AP1B1: variants seen among roughly 807,000 people sequenced by gnomAD.
AP1B1 encodes the protein adaptor related protein complex 1 subunit beta 1.
Under a neutral mutation model 104.3 loss-of-function variants are expected in AP1B1, and 36 were observed. The observed-to-expected ratio is 0.35, with a 90% CI of 0.26 to 0.46. The LOEUF (loss-of-function observed/expected upper bound fraction) is 0.46, where lower values mean the gene tolerates loss of function less well. AP1B1 is among the 20% of genes least tolerant of loss of function. The probability of loss-of-function intolerance (pLI) is 1.00; values close to 1 mark genes in which losing one functional copy is unlikely to be tolerated. For synonymous variants in AP1B1, 504 were observed against 517.5 expected (o/e 0.97, Z 0.35); for missense variants, 901 against 1,247.9 (o/e 0.72, Z 4.19).
At chr22:29,341,399 TC>T in intron 13 of AP1B1, 101 bp downstream of exon 13, 1 of 1,452,822 alleles carries the variant, frequency 6.9e-7, no homozygotes, top group Non-Finnish European at 9.3e-7. Flanking sequence ...TTCCTCAGAC[TC>T]AGGTCTTGCT....
At chr22:29,343,909 G>A (rs1034284502) in intron 11 of AP1B1, among the ~76,000 whole-genome samples, 10 of 152,016 alleles carry the variant, frequency 6.6e-5, no homozygotes, top group African/African-American at 2.2e-4. Flanking sequence ...TCAGGAGTTC[G>A]AGACCAGCCT....
chr22:29,386,057 G>A (rs1021216120), intron 1 of AP1B1, among the ~76,000 whole-genome samples: 1 of 152,214 alleles, frequency 6.6e-6, no homozygotes, highest in Non-Finnish European at 1.5e-5. Context: ...CAGAAGCCAA[G>A]GTTGGCAGCC....
At chr22:29,330,950 C>T (rs1170716696) in intron 19 of AP1B1, among the ~76,000 whole-genome samples, 1 of 152,166 alleles carries the variant, frequency 6.6e-6, no homozygotes, top group Non-Finnish European at 1.5e-5. Flanking sequence ...CCCCTCCCCA[C>T]CCCCACACGC....
At position 29,328,502 on chromosome 22, in the gene AP1B1, C is replaced by A. The variant is rs902911111; in HGVS notation, c.*319G>T. 2 of 280,832 alleles carry A rather than the reference C, an allele frequency of 7.1e-6. No homozygotes were observed. Among genetic ancestry groups the A allele is most frequent in the Non-Finnish European group, 1.4e-5 (2 of 146,552 alleles). The allele number at this position is 280,832 out of a possible 1,614,324, so 17.4% of individuals were successfully genotyped here. On this transcript the variant is annotated 3_prime_UTR_variant, in exon 23 of 23. Transcript: ENST00000357586. The surrounding 1 kb of genome is among the most constrained non-coding windows in gnomAD (Gnocchi z 4.1). ...CTGCCGGGGCTGTGAGCCGGAGGGG[C>A]AAGCTCCACACTCACCCTTCAGGCA...
At chr22:29,331,140 G>A (rs1292593623) in intron 19 of AP1B1, among the ~76,000 whole-genome samples, 1 of 152,164 alleles carries the variant, frequency 6.6e-6, no homozygotes, top group Non-Finnish European at 1.5e-5. Context: ...AGAGGAGGGG[G>A]TTACCAGGTG....
chr22:29,356,027 G>A (rs1429307075), intron 6 of AP1B1, among the ~76,000 whole-genome samples: 2 of 152,206 alleles, frequency 1.3e-5, no homozygotes, highest in African/African-American at 2.4e-5. Context: ...CTAAGCTGGA[G>A]CTCCCTCATC....
intron 11 of AP1B1, among the ~76,000 whole-genome samples, chr22:29,346,169 GGGA>G (rs2061789857): frequency 6.6e-6 from 1 of 152,326 alleles, no homozygotes; most frequent in Non-Finnish European, 1.5e-5. Flanking sequence ...CCACACAACA[GGGA>G]GGAGGAGCTT....
intron 1 of AP1B1, among the ~76,000 whole-genome samples, chr22:29,367,744 G>A (rs434287): frequency 5.3e-5 from 8 of 152,076 alleles, no homozygotes; most frequent in Non-Finnish European, 8.8e-5. Flanking sequence ...AACTCATTAG[G>A]AGCCTCATCA....
rs1289372107 is a variant in AP1B1 at position 29,328,995 on chromosome 22, G to A, written c.2776-100C>T. 1.6e-5 allele frequency: 25 copies of A among 1,526,716 alleles called. No individual in the cohort carries two copies. The highest frequency in any genetic ancestry group is 4.1e-5 in the African/African-American group (3 of 73,296). The allele number at this position is 1,526,716 out of a possible 1,614,324, so 94.6% of individuals were successfully genotyped here. A position where few individuals can be genotyped will look rare whatever the true frequency, so the allele number is the denominator to read the frequency against. ...AGAGAGCAGGAACCAATGGGACAGC[G>A]TGGAGTGCACACAGCCTGGCGGCAG... On this transcript the variant is annotated intron_variant, in intron 22 of 22. Coordinates refer to ENST00000357586, the MANE Select transcript of AP1B1 (RefSeq NM_001127.4). The surrounding 1 kb of genome is among the most constrained non-coding windows in gnomAD (Gnocchi z 4.1).
intron 7 of AP1B1, among the ~76,000 whole-genome samples, chr22:29,352,131 T>TCAGTCC (rs1254954425): frequency 6.6e-6 from 1 of 152,138 alleles, no homozygotes; most frequent in East Asian, 1.9e-4. Flanking sequence ...CAGACATATC[T>TCAGTCC]CAGTCCCAGT....
chr22:29,349,520 G>GTT (rs1036497535), intron 10 of AP1B1, 137 bp from the exon 11 acceptor site: 575 of 680,388 alleles, frequency 8.5e-4, no homozygotes, highest in Non-Finnish European at 9.6e-4. Context: ...TCTGAGTTTT[G>GTT]TTTTTTTTTT....
intron 16 of AP1B1, among the ~76,000 whole-genome samples, chr22:29,335,196 A>C (rs2061620700): frequency 6.6e-6 from 1 of 152,162 alleles, no homozygotes; most frequent in Non-Finnish European, 1.5e-5. Flanking sequence ...AGGATGAGTT[A>C]GAGCCCTGCC....
Position 29,334,318 on chromosome 22 carries a change from G to A in AP1B1, c.2256C>T (p.Thr752=), listed in dbSNP as rs373204262. ...VGSISMDLQL[T]NKALQVMTDF... is the part of the protein sequence containing the mutation. ...CGGTCATGACCTGCAAGGCCTTGTTGGTCAGCTGCAGGTCCATGGAGATGG... is the reference window on the plus strand; with the variant it reads ...CGGTCATGACCTGCAAGGCCTTGTTAGTCAGCTGCAGGTCCATGGAGATGG... The change falls in exon 17 of 23, where the codon ACC becomes ACT. Residue 752 remains threonine, a synonymous_variant. Coordinates refer to ENST00000357586, the MANE Select transcript of AP1B1 (RefSeq NM_001127.4). 3 of 1,611,074 alleles carry A rather than the reference G, an allele frequency of 1.9e-6. No homozygotes were observed. Among genetic ancestry groups the A allele is most frequent in the African/African-American group, 2.7e-5 (2 of 74,728 alleles).
At chr22:29,359,679 A>T in intron 4 of AP1B1, 145 bp downstream of exon 4, 1 of 997,150 alleles carries the variant, frequency 1.0e-6, no homozygotes, top group East Asian at 2.5e-5. Context: ...CCTCTGCTGG[A>T]GGAAGAGGCC....
At chr22:29,359,563 G>C (rs2062011925) in intron 4 of AP1B1, 1 of 390,424 alleles carries the variant, frequency 2.6e-6, no homozygotes, top group African/African-American at 2.1e-5. Context: ...AAGCATGCAG[G>C]GCAGGGTCCA....
chr22:29,345,299 C>T (rs2061775295), intron 11 of AP1B1, among the ~76,000 whole-genome samples: 1 of 150,184 alleles, frequency 6.7e-6, no homozygotes, highest in South Asian at 2.1e-4. Flanking sequence ...CTCAAAAGAT[C>T]CTCCTGCCTC....
chr22:29,349,407 T>C (rs981844091), intron 10 of AP1B1, 24 bp from the exon 11 acceptor site: 1 of 1,610,574 alleles, frequency 6.2e-7, no homozygotes, highest in South Asian at 1.1e-5. Flanking sequence ...GCACAGTTGG[T>C]ATGGGAGCCC....
chr22:29,349,083 T>C (rs117846420), intron 11 of AP1B1, 135 bp downstream of exon 11: 13,845 of 1,013,126 alleles, frequency 0.014, 115 homozygotes, highest in Non-Finnish European at 0.017. Flanking sequence ...GCGGTGTCCA[T>C]TACGCGCACA....
At chr22:29,376,236 T>C (rs2062339229) in intron 1 of AP1B1, among the ~76,000 whole-genome samples, 1 of 152,110 alleles carries the variant, frequency 6.6e-6, no homozygotes, top group South Asian at 2.1e-4. Context: ...GGCCAGCCAA[T>C]GTCAGGGGAA....
Sources: gnomAD v4.1 joint callset for allele counts (sites outside exome capture counted in the v4.1 genomes callset) on GRCh38, gnomAD v4.1.1 for gene constraint, Gnocchi (gnomAD v3.1) non-coding constraint, MANE v1.5 for transcripts, NCBI Gene and HGNC (gene_info 2026-07-23, HGNC 2026-07-21) for gene names.